The following BCL2L14 variants were observed in gnomAD, a reference collection of about 807,000 sequenced individuals.
BCL2L14 encodes BCL2 like 14, also known as apoptosis facilitator Bcl-2-like protein 14.
BCL2L14 carries 27 observed loss-of-function variants against 35.3 expected under a neutral mutation model. The observed-to-expected ratio is 0.76, with a 90% CI of 0.56 to 1.05. The LOEUF is 1.05. BCL2L14 is among the 50% of genes least tolerant of loss of function. The pLI is 0.00. For missense variants in BCL2L14, 377 were observed against 382.6 expected (o/e 0.99, Z 0.12); for synonymous variants, 139 against 145.9 (o/e 0.95, Z 0.34).
intron 2 of BCL2L14, among the ~76,000 whole-genome samples, chr12:12,059,470 C>T (rs1445491462): frequency 3.3e-5 from 5 of 152,140 alleles, no homozygotes; most frequent in East Asian, 3.9e-4. Context: ...TATTTCTGCA[C>T]CCCAACCTCA....
intron 2 of BCL2L14, among the ~76,000 whole-genome samples, chr12:12,080,066 G>A (rs927767054): frequency 1.6e-4 from 25 of 151,948 alleles, no homozygotes; most frequent in African/African-American, 5.3e-4. Context: ...TTAGCCGGGC[G>A]TGTTGGCGGG....
intron 2 of BCL2L14, among the ~76,000 whole-genome samples, chr12:12,081,716 G>C (rs974777148): frequency 1.3e-5 from 2 of 151,948 alleles, no homozygotes; most frequent in Non-Finnish European, 2.9e-5. Flanking sequence ...GCACCACCAG[G>C]CCTGGCTAAT....
intron 3 of BCL2L14, 87 bp downstream of exon 3, chr12:12,087,473 T>C (rs975144897): frequency 9.1e-6 from 13 of 1,432,634 alleles, no homozygotes; most frequent in African/African-American, 1.4e-5. Flanking sequence ...CTCGGCAACT[T>C]GACAGTCTCC....
intron 3 of BCL2L14, among the ~76,000 whole-genome samples, 156 bp from the exon 4 acceptor site, chr12:12,090,623 A>T (rs1949163323): frequency 6.6e-6 from 1 of 150,540 alleles, no homozygotes; most frequent in African/African-American, 2.5e-5. Context: ...ACAAGAGCAA[A>T]ACTCTGTCTA....
At chr12:12,094,059 A>T (rs1305160901) in intron 4 of BCL2L14, among the ~76,000 whole-genome samples, 1 of 151,410 alleles carries the variant, frequency 6.6e-6, no homozygotes, top group Non-Finnish European at 1.5e-5. Flanking sequence ...GTGAGCTGAG[A>T]CCACACCACT....
At chr12:12,061,788 C>T (rs548714928) in intron 2 of BCL2L14, among the ~76,000 whole-genome samples, 2 of 152,296 alleles carry the variant, frequency 1.3e-5, no homozygotes, top group Non-Finnish European at 2.9e-5. Context: ...CAGTCAAGCC[C>T]AAATTTCTTC....
At chr12:12,098,498 C>G (rs1366589247) in intron 5 of BCL2L14, among the ~76,000 whole-genome samples, 1 of 152,106 alleles carries the variant, frequency 6.6e-6, no homozygotes, top group African/African-American at 2.4e-5. Context: ...AATAGCAACT[C>G]TATCTACAAG....
intron 2 of BCL2L14, among the ~76,000 whole-genome samples, chr12:12,084,339 C>A (rs908180889): frequency 2.0e-5 from 3 of 152,108 alleles, no homozygotes; most frequent in Non-Finnish European, 4.4e-5. Context: ...GCAAGGGAGC[C>A]CAGGGAATAT....
At chr12:12,066,715 A>T (rs569495898), upstream of BCL2L14, among the ~76,000 whole-genome samples, 35 of 149,714 alleles carry the variant, frequency 2.3e-4, no homozygotes, top group South Asian at 1.9e-3. Flanking sequence ...TATTATTATT[A>T]TTTTTTTTTT....
In BCL2L14 at chr12:12,090,798, A is replaced by G. The variant is rs1420999153; in HGVS notation, c.627A>G (p.Leu209=). 1 of 1,613,454 alleles carries G rather than the reference A, an allele frequency of 6.2e-7. No homozygotes were observed. Among genetic ancestry groups the G allele is most frequent in the Admixed American group, 1.7e-5 (1 of 59,922 alleles). Residue 209 remains leucine, a synonymous_variant, in exon 4 of 6, where the codon CTA becomes CTG. Coordinates refer to ENST00000308721, the MANE Select transcript of BCL2L14 (RefSeq NM_138723.2). Reference sequence around the variant, plus strand: ...CGACAGATGAAGAAGAACAAATACTAGCCAAAATTGTTGAGCTGCTGAAAT... The same window carrying G: ...CGACAGATGAAGAAGAACAAATACTGGCCAAAATTGTTGAGCTGCTGAAAT... The part of the protein sequence containing the change: ...SSKKDEEEQI[L]AKIVELLKYS...
In BCL2L14 at chr12:12,064,600, T is replaced by C. The variant is rs375841756; in HGVS notation, c.-272+12753T>C. Reference sequence around the variant, plus strand: ...AGCATGCCTATCTTTACTCTAAAAATTTTGCCCAACTAGGCTCAGAATTCT... The same window carrying C: ...AGCATGCCTATCTTTACTCTAAAAACTTTGCCCAACTAGGCTCAGAATTCT... On this transcript the variant is annotated intron_variant, in intron 2 of 3. Coordinates refer to the BCL2L14 transcript ENST00000461264. Among the ~76,000 whole-genome samples the C allele has an allele frequency of 7.6e-4, 116 of 152,288 alleles. 1 individual carries two copies. Among genetic ancestry groups the C allele is most frequent in the African/African-American group, 2.7e-3 (111 of 41,538 alleles).
At chr12:12,052,465 G>A (rs117412388) in intron 2 of BCL2L14, among the ~76,000 whole-genome samples, 10,026 of 152,196 alleles carry the variant, frequency 0.066, 425 homozygotes, top group Non-Finnish European at 0.089. Flanking sequence ...GAGTGAGATC[G>A]TGCAATATTT....
intron 3 of BCL2L14, among the ~76,000 whole-genome samples, chr12:12,090,222 G>A (rs965244788): frequency 2.0e-5 from 3 of 152,196 alleles, no homozygotes; most frequent in Non-Finnish European, 2.9e-5. Context: ...TGAGAGCTGG[G>A]GGACTGAGCA....
At chr12:12,087,164 A>T (rs776487252) in intron 2 of BCL2L14, 49 bp from the exon 3 acceptor site, 4 of 1,591,794 alleles carry the variant, frequency 2.5e-6, no homozygotes, top group Non-Finnish European at 3.4e-6. Flanking sequence ...CCAATGAGCC[A>T]GATGAAGTTC....
In BCL2L14 at chr12:12,053,843, A is replaced by G. The variant is rs186324853; in HGVS notation, c.-272+1996A>G. Among the ~76,000 whole-genome samples the G allele has an allele frequency of 2.5e-3, 381 of 152,288 alleles. 1 individual carries two copies. The highest frequency in any genetic ancestry group is 8.3e-3 in the African/African-American group (343 of 41,566). On this transcript the variant is annotated intron_variant, in intron 2 of 3. Coordinates refer to the BCL2L14 transcript ENST00000461264. ...CTAAAAACCCCTAAATGCCTTTGAC[A>G]TGAGCCACTCTTAAGCCAGGTCTCT...
intron 4 of BCL2L14, among the ~76,000 whole-genome samples, chr12:12,092,216 C>T (rs773048495): frequency 5.3e-5 from 8 of 152,120 alleles, no homozygotes; most frequent in African/African-American, 1.4e-4. Flanking sequence ...GGAGGTGGGA[C>T]GAAGGCCACC....
At chr12:12,061,660 T>G (rs931795560) in intron 2 of BCL2L14, among the ~76,000 whole-genome samples, 5 of 152,162 alleles carry the variant, frequency 3.3e-5, no homozygotes, top group African/African-American at 1.2e-4. Flanking sequence ...ACTATTCCTT[T>G]GCACCCTTCA....
intron 5 of BCL2L14, 71 bp from the exon 6 acceptor site, chr12:12,098,879 T>G: frequency 9.0e-7 from 1 of 1,108,892 alleles, no homozygotes; most frequent in Non-Finnish European, 1.4e-6. Context: ...AGAGCAGAGT[T>G]AGCAGCCATA....
At chr12:12,064,308 T>A (rs2136719477) in intron 2 of BCL2L14, among the ~76,000 whole-genome samples, 1 of 138,714 alleles carries the variant, frequency 7.2e-6, no homozygotes, top group East Asian at 2.0e-4. Context: ...TTTTGATTTT[T>A]TTTTTCTTTT....
Sources: allele counts gnomAD v4.1 joint callset (sites outside exome capture counted in the v4.1 genomes callset), GRCh38; gene constraint gnomAD v4.1.1; transcripts MANE v1.5; gene names NCBI Gene and HGNC (gene_info 2026-07-23, HGNC 2026-07-21).